MPP4: variants seen among roughly 807,000 people sequenced by gnomAD.
The protein encoded by MPP4 is MAGUK p55 scaffold protein 4, also known as MAGUK p55 subfamily member 4.
A neutral mutation model predicts 98.3 loss-of-function variants in MPP4; 91 were observed. The observed-to-expected ratio is 0.93, with a 90% CI of 0.78 to 1.10. The LOEUF is 1.10. Ranked by LOEUF, MPP4 falls within the 50% of genes least tolerant of loss-of-function variation. The pLI, the probability that MPP4 is intolerant of heterozygous loss-of-function variation, is 0.00. For synonymous variants in MPP4, 261 were observed against 271.8 expected, an observed-to-expected ratio of 0.96 and a Z score of 0.39; for missense variants, 744 against 792.9, an observed-to-expected ratio of 0.94 and a Z score of 0.74.
chr2:201,674,223 TGC>T (rs113525259), intron 11 of MPP4, among the ~76,000 whole-genome samples: 4 of 152,350 alleles, frequency 2.6e-5, no homozygotes, highest in African/African-American at 9.6e-5. Context: ...CAGCCTTGCT[TGC>T]CAGTCAGGTA....
At chr2:201,652,875 T>C (rs1687753109) in intron 18 of MPP4, among the ~76,000 whole-genome samples, 1 of 152,230 alleles carries the variant, frequency 6.6e-6, no homozygotes, top group Non-Finnish European at 1.5e-5. Context: ...GTTTGGCAAA[T>C]ACTGATTCTG....
chr2:201,678,787 C>G (rs4675217), intron 10 of MPP4, among the ~76,000 whole-genome samples: 1 of 151,760 alleles, frequency 6.6e-6, no homozygotes, highest in Non-Finnish European at 1.5e-5. Context: ...TCCCTAGGAG[C>G]CCCCAGCTTT....
chr2:201,646,622 G>A (rs1266688236), intron 21 of MPP4: 1 of 152,068 alleles, frequency 6.6e-6, no homozygotes, highest in East Asian at 1.9e-4. Context: ...GGACTCCACT[G>A]TTCACAAGGC....
chr2:201,694,324 T>C (rs185663804), intron 1 of MPP4, among the ~76,000 whole-genome samples: 2 of 152,316 alleles, frequency 1.3e-5, no homozygotes, highest in East Asian at 1.9e-4. Flanking sequence ...TTATTTATCT[T>C]CCACCTCTTT....
intron 21 of MPP4, among the ~76,000 whole-genome samples, chr2:201,647,329 T>G (rs1687592253): frequency 6.6e-6 from 1 of 152,050 alleles, no homozygotes; most frequent in South Asian, 2.1e-4. Context: ...AAACTACGGC[T>G]CAAGGATTTT....
intron 3 of MPP4, 138 bp downstream of exon 3, chr2:201,692,770 A>G: frequency 7.6e-7 from 1 of 1,308,732 alleles, no homozygotes; most frequent in African/African-American, 1.5e-5. Flanking sequence ...TTCCTGGCCT[A>G]CAGAACTGTG....
At chr2:201,659,295 T>G (rs996002579) in intron 15 of MPP4, among the ~76,000 whole-genome samples, 5 of 152,154 alleles carry the variant, frequency 3.3e-5, no homozygotes, top group Non-Finnish European at 7.4e-5. Flanking sequence ...AAGGGTTCAT[T>G]CTATATAAGA....
At chr2:201,646,101 A>T (rs927001361) in intron 21 of MPP4, among the ~76,000 whole-genome samples, 1 of 152,158 alleles carries the variant, frequency 6.6e-6, no homozygotes, top group African/African-American at 2.4e-5. Context: ...GTTTTGCAAA[A>T]TTTAGTCATA....
intron 4 of MPP4, among the ~76,000 whole-genome samples, chr2:201,689,255 G>A (rs748430334): frequency 2.0e-5 from 3 of 152,164 alleles, no homozygotes; most frequent in Non-Finnish European, 2.9e-5. Context: ...AACCCAGGAG[G>A]CAGAGGTTGC....
At chr2:201,688,772 T>C (rs1688909126) in intron 4 of MPP4, among the ~76,000 whole-genome samples, 1 of 152,010 alleles carries the variant, frequency 6.6e-6, no homozygotes, top group African/African-American at 2.4e-5. Flanking sequence ...AACGCCCAGC[T>C]AATTTTTGTT....
chr2:201,651,331 AGT>A, intron 18 of MPP4: 1 of 985,390 alleles, frequency 1.0e-6, no homozygotes, highest in Non-Finnish European at 1.2e-6. Flanking sequence ...AGATCCTTAG[AGT>A]TCCTACAGTT....
chr2:201,696,408 A>G (rs1689182747), intron 1 of MPP4, among the ~76,000 whole-genome samples: 1 of 152,222 alleles, frequency 6.6e-6, no homozygotes, highest in Admixed American at 6.5e-5. Context: ...CCTGCTAGAG[A>G]GCAGACAAAA....
chr2:201,656,469 C>G, intron 16 of MPP4, 101 bp from the exon 17 acceptor site: 1 of 1,154,860 alleles, frequency 8.7e-7, no homozygotes, highest in South Asian at 1.7e-5. Flanking sequence ...CTAAAGTGTT[C>G]ATTAATATAG....
At chr2:201,651,666 G>A in intron 18 of MPP4, 1 of 985,348 alleles carries the variant, frequency 1.0e-6, no homozygotes, top group Non-Finnish European at 1.2e-6. Flanking sequence ...GAAAAATGGT[G>A]ATTTTGGCCG....
intron 18 of MPP4, chr2:201,651,858 G>T: frequency 6.0e-6 from 2 of 335,580 alleles, no homozygotes; most frequent in Non-Finnish European, 8.5e-6. Flanking sequence ...GGAGGCTGAG[G>T]CAGGAGAATT....
At chr2:201,648,453 A>T (rs1687627490) in intron 20 of MPP4, among the ~76,000 whole-genome samples, 2 of 152,254 alleles carry the variant, frequency 1.3e-5, no homozygotes, top group African/African-American at 4.8e-5. Flanking sequence ...TCTAAAAAAC[A>T]AATGAACATT....
At chr2:201,688,749 A>G (rs1299699485) in intron 4 of MPP4, among the ~76,000 whole-genome samples, 2 of 152,046 alleles carry the variant, frequency 1.3e-5, no homozygotes, top group South Asian at 4.2e-4. Flanking sequence ...CTGGGATTAC[A>G]GGCATGCACC....
At chr2:201,675,554 A>G (rs1688485772) in intron 10 of MPP4, among the ~76,000 whole-genome samples, 1 of 152,238 alleles carries the variant, frequency 6.6e-6, no homozygotes, top group African/African-American at 2.4e-5. Context: ...ATGGAGTTTC[A>G]GTAAATGACC....
intron 18 of MPP4, among the ~76,000 whole-genome samples, chr2:201,652,726 TGA>T (rs1023126948): frequency 1.1e-4 from 17 of 152,310 alleles, no homozygotes; most frequent in Admixed American, 3.3e-4. Flanking sequence ...GACGAGAGTA[TGA>T]GTCACTTCTC....
Sources: gnomAD v4.1 joint callset for allele counts (sites outside exome capture counted in the v4.1 genomes callset) on GRCh38, gnomAD v4.1.1 for gene constraint, MANE v1.5 for transcripts, NCBI Gene and HGNC (gene_info 2026-07-23, HGNC 2026-07-21) for gene names.